The following SLC45A4 variants were observed in gnomAD, a reference collection of about 807,000 sequenced individuals.
SLC45A4 encodes the protein solute carrier family 45 member 4, also known as polyamine-transporter SLC45A4.
A neutral mutation model predicts 63.7 loss-of-function variants in SLC45A4; 32 were observed. That is an observed-to-expected ratio of 0.50 (90% CI 0.38 to 0.67). The LOEUF is 0.67. Ranked by LOEUF, SLC45A4 falls within the 30% of genes least tolerant of loss-of-function variation. The pLI is 0.00. For missense variants in SLC45A4, 1,027 were observed against 1,157.7 expected, an observed-to-expected ratio of 0.89 and a Z score of 1.64; for synonymous variants, 535 against 510.0, an observed-to-expected ratio of 1.05 and a Z score of -0.66.
intron 1 of SLC45A4, among the ~76,000 whole-genome samples, chr8:141,263,194 T>C (rs1035857366): frequency 8.7e-6 from 1 of 115,256 alleles, no homozygotes; most frequent in African/African-American, 3.4e-5. Flanking sequence ...AAGGGGACCG[T>C]CACACGCCGG....
At chr8:141,257,056 G>A (rs1828830344) in intron 1 of SLC45A4, among the ~76,000 whole-genome samples, 1 of 152,172 alleles carries the variant, frequency 6.6e-6, no homozygotes, top group South Asian at 2.1e-4. Context: ...GTTTCACCAT[G>A]TTGGCCAGGA....
Position 141,208,721 on chromosome 8 carries a change from G to A in SLC45A4, c.*2851C>T, listed in dbSNP as rs1825651034. 1 of 152,256 alleles carries A rather than the reference G, an allele frequency of 6.6e-6. No individual in the cohort carries two copies. Among genetic ancestry groups the A allele is most frequent in the South Asian group, 2.1e-4 (1 of 4,834 alleles). The allele number at this position is 152,256 out of a possible 1,614,324, so 9.4% of individuals were successfully genotyped here. A position where few individuals can be genotyped will look rare whatever the true frequency, so the allele number is the denominator to read the frequency against. On this transcript the variant is annotated 3_prime_UTR_variant, in exon 9 of 9. Transcript: ENST00000517878. ...ACGTCATGATGCCAGTCTGCCGACA[G>A]ACCCAGGAAAGGGGACACAGGCAGG...
At chr8:141,291,038 G>T (rs1441915638) in intron 1 of SLC45A4, among the ~76,000 whole-genome samples, 1 of 152,022 alleles carries the variant, frequency 6.6e-6, no homozygotes, top group African/African-American at 2.4e-5. Flanking sequence ...TAGTAGAGAC[G>T]GGGTTTCACC....
At chr8:141,285,348 A>G (rs1830098851) in intron 1 of SLC45A4, among the ~76,000 whole-genome samples, 1 of 152,232 alleles carries the variant, frequency 6.6e-6, no homozygotes, top group Non-Finnish European at 1.5e-5. Context: ...GGCCTCGCCT[A>G]CGTTGGAAGA....
At chr8:141,258,500 G>A (rs1563653016) in intron 1 of SLC45A4, among the ~76,000 whole-genome samples, 1 of 152,340 alleles carries the variant, frequency 6.6e-6, no homozygotes, top group East Asian at 1.9e-4. Context: ...CTCACATGGA[G>A]CATGGACTCC....
chr8:141,276,503 T>C (rs1829732946), intron 1 of SLC45A4, among the ~76,000 whole-genome samples: 1 of 152,190 alleles, frequency 6.6e-6, no homozygotes, highest in Non-Finnish European at 1.5e-5. Flanking sequence ...AGCATGAAAG[T>C]GGCAGGTCCA....
At chr8:141,236,220 A>G (rs187168728) in intron 2 of SLC45A4, among the ~76,000 whole-genome samples, 53 of 152,336 alleles carry the variant, frequency 3.5e-4, no homozygotes, top group Middle Eastern at 3.4e-3. Flanking sequence ...AAGCCCAGGC[A>G]CTGGCTTCCC....
chr8:141,240,658 G>C (rs1451837068), intron 2 of SLC45A4, among the ~76,000 whole-genome samples: 1 of 152,198 alleles, frequency 6.6e-6, no homozygotes. Context: ...AGGATCACTT[G>C]AGCCTGGCAG....
At chr8:141,261,759 G>C (rs1829045862) in intron 1 of SLC45A4, among the ~76,000 whole-genome samples, 1 of 152,152 alleles carries the variant, frequency 6.6e-6, no homozygotes, top group Admixed American at 6.5e-5. Flanking sequence ...CCATGCTCAT[G>C]GGTAGGAAGA....
chr8:141,253,858 A>G (rs1394562599), intron 2 of SLC45A4, 131 bp downstream of exon 2: 2 of 1,380,356 alleles, frequency 1.4e-6, no homozygotes, highest in Admixed American at 5.1e-5. Flanking sequence ...CTGAAGGGAG[A>G]GGAGACAAAG....
chr8:141,290,508 A>G (rs963196563), intron 1 of SLC45A4, among the ~76,000 whole-genome samples: 1 of 152,236 alleles, frequency 6.6e-6, no homozygotes, highest in Non-Finnish European at 1.5e-5. Context: ...CACAAAGTAA[A>G]TATGAGGTGT....
At chr8:141,217,253 A>T (rs1171378807) in intron 5 of SLC45A4, 64 bp from the exon 6 acceptor site, 53 of 1,538,652 alleles carry the variant, frequency 3.4e-5, no homozygotes, top group Non-Finnish European at 4.1e-5. Context: ...CCAGGAGCGT[A>T]TTTCCCATGG....
chr8:141,237,644 C>T (rs7013699), intron 2 of SLC45A4, among the ~76,000 whole-genome samples: 27,578 of 152,086 alleles, frequency 0.18, 2,667 homozygotes, highest in African/African-American at 0.23. Flanking sequence ...CAAAGCCACA[C>T]GGTGTCCCTC....
intron 2 of SLC45A4, among the ~76,000 whole-genome samples, chr8:141,250,901 C>T (rs1314879335): frequency 6.6e-6 from 1 of 152,110 alleles, no homozygotes; most frequent in Non-Finnish European, 1.5e-5. Flanking sequence ...AACAATGAAA[C>T]GTGCATAGAA....
intron 6 of SLC45A4, among the ~76,000 whole-genome samples, chr8:141,216,412 C>T (rs920759745): frequency 4.6e-5 from 7 of 152,246 alleles, no homozygotes; most frequent in South Asian, 2.1e-4. Flanking sequence ...CTTCCCTCAC[C>T]CTTCCTGATG....
chr8:141,265,250 A>G (rs949283860), intron 1 of SLC45A4, among the ~76,000 whole-genome samples: 1 of 152,210 alleles, frequency 6.6e-6, no homozygotes, highest in African/African-American at 2.4e-5. Context: ...ACAAGGGCCC[A>G]TGTGGTGCAT....
Position 141,211,704 on chromosome 8 carries a change from A to G in SLC45A4, c.2302-7T>C, listed in dbSNP as rs1382915643. On this transcript the variant is annotated splice_polypyrimidine_tract_variant and splice_region_variant and intron_variant, in intron 8 of 8. Transcript: ENST00000517878. The stretch of plus-strand genomic sequence containing the variant: ...CGTCAATACCTGCAGGCGTCTACAG[A>G]GAGGAAATTTGATAAAAATATTTTA... 6.5e-7 allele frequency: 1 copy of G among 1,528,082 alleles called. No homozygotes were observed. Among genetic ancestry groups the G allele is most frequent in the Non-Finnish European group, 8.8e-7 (1 of 1,140,652 alleles). The allele number at this position is 1,528,082 out of a possible 1,614,324, so 94.7% of individuals were successfully genotyped here.
chr8:141,296,053 A>T (rs1830537466), intron 1 of SLC45A4, among the ~76,000 whole-genome samples: 1 of 152,110 alleles, frequency 6.6e-6, no homozygotes, highest in South Asian at 2.1e-4. Context: ...TAAAATTAGC[A>T]GGGCACAGTG....
chr8:141,271,975 TAC>T (rs1203707344), intron 1 of SLC45A4, among the ~76,000 whole-genome samples: 2 of 148,792 alleles, frequency 1.3e-5, no homozygotes, highest in Admixed American at 1.3e-4. Flanking sequence ...CACACCTGCG[TAC>T]ACACATGCAC....
Sources: gnomAD v4.1 joint callset for allele counts (sites outside exome capture counted in the v4.1 genomes callset) on GRCh38, gnomAD v4.1.1 for gene constraint, MANE v1.5 for transcripts, NCBI Gene and HGNC (gene_info 2026-07-23, HGNC 2026-07-21) for gene names.